The following KIFC3 variants were observed in gnomAD, a reference collection of about 807,000 sequenced individuals.
KIFC3 encodes kinesin family member C3, also known as kinesin-like protein KIFC3.
Under a neutral mutation model 101.8 loss-of-function variants are expected in KIFC3, and 60 were observed. That is an observed-to-expected ratio of 0.59 (90% confidence interval 0.48 to 0.73). The LOEUF (loss-of-function observed/expected upper bound fraction) is 0.73, where lower values mean the gene tolerates loss of function less well. KIFC3 is among the 30% of genes least tolerant of loss of function. The pLI is 0.00. For missense variants in KIFC3, 966 were observed against 1,137.1 expected (o/e 0.85, Z 2.16); for synonymous variants, 476 against 482.7 (o/e 0.99, Z 0.18).
intron 3 of KIFC3, among the ~76,000 whole-genome samples, chr16:57,784,795 C>G (rs1451017823): frequency 2.0e-5 from 3 of 151,720 alleles, no homozygotes; most frequent in Admixed American, 1.3e-4. Flanking sequence ...CATGGAGATG[C>G]AGAAGGAGAA....
intron 1 of KIFC3, among the ~76,000 whole-genome samples, chr16:57,856,716 A>T (rs2056178210): frequency 6.6e-6 from 1 of 152,176 alleles, no homozygotes; most frequent in Admixed American, 6.6e-5. Context: ...TATATAATAA[A>T]GACCTCACAG....
At chr16:57,785,660 C>T (rs975212020) in intron 3 of KIFC3, 15 of 1,238,944 alleles carry the variant, frequency 1.2e-5, no homozygotes, top group Middle Eastern at 2.2e-4. Context: ...GCCAAAGAGA[C>T]GCCCACCTAC....
At position 57,788,641 on chromosome 16, in the gene KIFC3, C is replaced by T. The variant is rs556305069; in HGVS notation, c.315+6358G>A. 31 of 1,289,638 alleles carry T rather than the reference C, an allele frequency of 2.4e-5. No homozygotes were observed. In the East Asian group the frequency reaches 1.2e-3, roughly 48 times the overall value. 79.9% of individuals were successfully genotyped at this position (1,289,638 alleles called of 1,614,324 possible). A position where few individuals can be genotyped will look rare whatever the true frequency, so the allele number is the denominator to read the frequency against. Reference sequence around the variant, plus strand: ...TCCCGGGCCCGCCTGGGGGCCGGCGCCTGTCTCTTCCAAAGCTTCTCTTCT... The same window carrying T: ...TCCCGGGCCCGCCTGGGGGCCGGCGTCTGTCTCTTCCAAAGCTTCTCTTCT... On this transcript the variant is annotated intron_variant, in intron 3 of 19. Transcript: ENST00000445690.
intron 1 of KIFC3, among the ~76,000 whole-genome samples, chr16:57,822,750 T>G (rs2149279526): frequency 6.6e-6 from 1 of 152,172 alleles, no homozygotes; most frequent in South Asian, 2.1e-4. Flanking sequence ...GCCAGTGTCA[T>G]GAAATACAAA....
chr16:57,759,339 G>T, intron 18 of KIFC3, 186 bp from the exon 19 acceptor site: 1 of 684,658 alleles, frequency 1.5e-6, no homozygotes, highest in Non-Finnish European at 2.4e-6. Flanking sequence ...TAGGAGGTAG[G>T]CAAGCCCGGC....
intron 1 of KIFC3, among the ~76,000 whole-genome samples, chr16:57,838,643 C>T (rs757047576): frequency 1.3e-5 from 2 of 152,180 alleles, no homozygotes; most frequent in East Asian, 1.9e-4. Context: ...GAGGAAAGAA[C>T]GAGCTGAAAT....
At position 57,798,230 on chromosome 16, in the gene KIFC3, C is replaced by A. The variant is rs782595620; in HGVS notation, c.14G>T (p.Arg5Leu). The stretch of plus-strand genomic sequence containing the variant: ...CGTGGCTCCCAGGTTCCACGTCCTG[C>A]GAGAGGGGACCATGGCCTGGGGCTC... MVPSRRTWNLGATPS... is the reference protein window; with the variant it reads MVPSLRTWNLGATPS... Residue 5 changes from arginine to leucine, a missense_variant, in exon 2 of 20, where the codon CGC (arginine) becomes CTC (leucine). Physicochemically the swap from Arg to Leu is moderately radical, Grantham distance 102. Coordinates refer to ENST00000445690, the MANE Select transcript of KIFC3 (RefSeq NM_001130100.2). 3.2e-6 allele frequency: 5 copies of A among 1,551,038 alleles called. No individual in the cohort carries two copies. Among genetic ancestry groups the A allele is most frequent in the Non-Finnish European group, 2.6e-6 (3 of 1,148,156 alleles).
chr16:57,761,545 G>T lies in KIFC3; in HGVS notation c.1749-9C>A. The T allele has an allele frequency of 6.2e-7, 1 of 1,611,422 alleles. No homozygotes were observed. On this transcript the variant is annotated splice_polypyrimidine_tract_variant and intron_variant, in intron 13 of 19. Transcript: ENST00000445690. ...CTTTCCCTAGCAGGTCCCTGGAGGG[G>T]CAGGTGAGACAGTCACCCCCTCCTC...
intron 1 of KIFC3, among the ~76,000 whole-genome samples, chr16:57,839,830 A>G (rs1438366790): frequency 1.3e-5 from 2 of 152,084 alleles, no homozygotes; most frequent in African/African-American, 4.8e-5. Flanking sequence ...CTAAAATTCC[A>G]TCATTCTTGA....
intron 3 of KIFC3, among the ~76,000 whole-genome samples, chr16:57,783,607 A>T (rs1555616081): frequency 1.3e-5 from 2 of 151,398 alleles, no homozygotes; most frequent in Non-Finnish European, 2.9e-5. Context: ...CAAGTAGTTA[A>T]GATTACAGGC....
intron 1 of KIFC3, among the ~76,000 whole-genome samples, chr16:57,845,570 G>A (rs1019950954): frequency 4.6e-5 from 7 of 152,000 alleles, no homozygotes; most frequent in Non-Finnish European, 7.4e-5. Flanking sequence ...CTTCCACCTC[G>A]GACATTCTTT....
intron 3 of KIFC3, among the ~76,000 whole-genome samples, chr16:57,789,919 T>G (rs927838116): frequency 6.6e-6 from 1 of 151,888 alleles, no homozygotes; most frequent in African/African-American, 2.4e-5. Context: ...GTATTTTTAA[T>G]AGAGACAGGG....
At chr16:57,763,967 C>T (rs1309121907) in intron 12 of KIFC3, among the ~76,000 whole-genome samples, 176 bp downstream of exon 12, 1 of 152,230 alleles carries the variant, frequency 6.6e-6, no homozygotes, top group Non-Finnish European at 1.5e-5. Flanking sequence ...GGCAAGGGGG[C>T]CCCCTCTTAA....
At chr16:57,813,587 C>G in intron 1 of KIFC3, 1 of 700,040 alleles carries the variant, frequency 1.4e-6, no homozygotes, top group Non-Finnish European at 1.8e-6. Flanking sequence ...TTCTGAGAAT[C>G]CCAGCCCTGG....
chr16:57,769,783 G>C lies in KIFC3; in HGVS notation c.1087+25C>G. 1.2e-6 allele frequency: 2 copies of C among 1,613,030 alleles called. No individual in the cohort carries two copies. The highest frequency in any genetic ancestry group is 2.2e-5 in the South Asian group (2 of 91,070). ...GGATGAGGGGCCGCGGCGTGGGGCAGACAGGGCCCAGCTGGTCAGCTCACC... is the reference window on the plus strand; with the variant it reads ...GGATGAGGGGCCGCGGCGTGGGGCACACAGGGCCCAGCTGGTCAGCTCACC... On this transcript the variant is annotated intron_variant, in intron 8 of 19. Coordinates refer to ENST00000445690, the MANE Select transcript of KIFC3 (RefSeq NM_001130100.2). This position sits in a 1 kb window ranked among gnomAD's most constrained non-coding sequence, Gnocchi z 4.3.
rs566311075 is a variant in KIFC3 at position 57,769,066 on chromosome 16, C to T, written c.1218+529G>A. ...TTTGTTTGTTTTTGAGATAAAGTCT[C>T]GCTGTCACACAGGCTGAAGTGCAGT... On this transcript the variant is annotated intron_variant, in intron 9 of 19. Coordinates refer to ENST00000445690, the MANE Select transcript of KIFC3 (RefSeq NM_001130100.2). This position sits in a 1 kb window ranked among gnomAD's most constrained non-coding sequence, Gnocchi z 4.3. 3.3e-5 allele frequency among the ~76,000 whole-genome samples: 5 copies of T among 152,282 alleles called. No homozygotes were observed. Among genetic ancestry groups the T allele is most frequent in the Middle Eastern group, 3.4e-3 (1 of 294 alleles).
rs782654377 is a variant in KIFC3, at chr16:57,772,233, C to T, written c.371G>A (p.Arg124Gln). The change falls in exon 4 of 20, where the codon CGA becomes CAA. Residue 124 changes from arginine to glutamine, a missense_variant. Physicochemically the swap from Arg to Gln is conservative, Grantham distance 43. This residue lies in a region of KIFC3 where 277 missense variants were observed against 252.5 expected (regional missense o/e 1.10). Transcript: ENST00000445690. ...GCCTTGTGGCCTCACCAGCTCAGAT[C>T]GCAGTCGGCTCACTTCCTGGGCCTG... is the stretch of plus-strand genomic sequence containing the variant. Reference protein sequence around the residue: ...ISQAQEVSRLRSELGGTDLEK... With the variant: ...ISQAQEVSRLQSELGGTDLEK... 34 of 1,613,416 alleles carry T rather than the reference C, an allele frequency of 2.1e-5. No homozygotes were observed. The highest frequency in any genetic ancestry group is 2.5e-5 in the Non-Finnish European group (30 of 1,179,796).
intron 3 of KIFC3, among the ~76,000 whole-genome samples, chr16:57,794,097 G>A (rs1415832470): frequency 1.3e-5 from 2 of 152,194 alleles, no homozygotes; most frequent in Admixed American, 1.3e-4. Flanking sequence ...TTATGAGTAT[G>A]ATGAGGACTA....
At chr16:57,857,299 A>C (rs1310709741) in intron 1 of KIFC3, among the ~76,000 whole-genome samples, 3 of 151,870 alleles carry the variant, frequency 2.0e-5, no homozygotes, top group African/African-American at 7.3e-5. Flanking sequence ...CCTGTTTCCA[A>C]ATCTTGTTCC....
Sources: gnomAD v4.1 joint callset for allele counts (sites outside exome capture counted in the v4.1 genomes callset) on GRCh38, gnomAD v4.1.1 for gene constraint, gnomAD v4.1.1 regional missense constraint, Gnocchi (gnomAD v3.1) non-coding constraint, MANE v1.5 for transcripts, NCBI Gene and HGNC (gene_info 2026-07-23, HGNC 2026-07-21) for gene names.